The following DCC variants were observed in gnomAD, a reference collection of about 807,000 sequenced individuals.
The protein encoded by DCC is DCC netrin 1 receptor.
A neutral mutation model predicts 172.5 loss-of-function variants in DCC; 58 were observed. The ratio of observed to expected loss-of-function variants is 0.34; its 90% CI spans 0.27 to 0.42. The LOEUF (loss-of-function observed/expected upper bound fraction) is 0.42. DCC is among the 10% of genes least tolerant of loss of function. DCC has a pLI of 1.00. For synonymous variants in DCC, 709 were observed against 644.5 expected (o/e 1.10, Z -1.52); for missense variants, 1,740 against 1,791.0 (o/e 0.97, Z 0.51).
At chr18:53,094,393 A>G (rs960053484) in intron 7 of DCC, among the ~76,000 whole-genome samples, 1 of 152,220 alleles carries the variant, frequency 6.6e-6, no homozygotes, top group Non-Finnish European at 1.5e-5. Context: ...TCATAAAGCT[A>G]CAAGTATCAT....
chr18:52,699,845 T>C (rs898879876), intron 1 of DCC, among the ~76,000 whole-genome samples: 1 of 152,206 alleles, frequency 6.6e-6, no homozygotes, highest in African/African-American at 2.4e-5. Context: ...TTGGCAACAA[T>C]TTTATTAAAA....
intron 7 of DCC, among the ~76,000 whole-genome samples, chr18:53,090,910 C>G (rs927510083): frequency 4.6e-5 from 7 of 151,674 alleles, no homozygotes; most frequent in Non-Finnish European, 7.4e-5. Flanking sequence ...ATTTTATACC[C>G]TTGTTCTATA....
At chr18:52,355,278 G>A (rs1048494162) in intron 1 of DCC, among the ~76,000 whole-genome samples, 5 of 152,086 alleles carry the variant, frequency 3.3e-5, no homozygotes, top group African/African-American at 9.7e-5. Context: ...AGGCAGAAAA[G>A]GACCTTGGCA....
intron 12 of DCC, among the ~76,000 whole-genome samples, chr18:53,276,123 A>T (rs1159279530): frequency 2.6e-5 from 4 of 152,198 alleles, no homozygotes; most frequent in African/African-American, 9.6e-5. Flanking sequence ...ATAGGCTAAT[A>T]TCCATTAACA....
chr18:53,438,577 C>G (rs866172386), intron 22 of DCC, among the ~76,000 whole-genome samples: 1 of 152,136 alleles, frequency 6.6e-6, no homozygotes, highest in African/African-American at 2.4e-5. Flanking sequence ...AATTGGGCCT[C>G]CTGTATTTTT....
intron 26 of DCC, among the ~76,000 whole-genome samples, chr18:53,489,635 A>G (rs2045939071): frequency 6.6e-6 from 1 of 152,146 alleles, no homozygotes; most frequent in African/African-American, 2.4e-5. Flanking sequence ...TATCTGAAAG[A>G]CCTTTGAGTT....
At position 53,063,344 on chromosome 18, in the gene DCC, C is replaced by T; in HGVS notation, c.1025C>T (p.Ala342Val). 1 of 1,613,116 alleles carries T rather than the reference C, an allele frequency of 6.2e-7. No homozygotes were observed. Among genetic ancestry groups the T allele is most frequent in the Non-Finnish European group, 8.5e-7 (1 of 1,179,416 alleles). Residue 342 changes from alanine (A) to valine (V), a missense_variant, in exon 6 of 29, where the codon GCC becomes GTC. This residue lies in a region of DCC where 1,732 missense variants were observed against 1,767.4 expected (regional missense o/e 0.98). Transcript: ENST00000442544. ...TTAAATCATCCTTCCAACCTGTATGCCTATGAAAGCATGGATATTGAGTTT... is the reference window on the plus strand; with the variant it reads ...TTAAATCATCCTTCCAACCTGTATGTCTATGAAAGCATGGATATTGAGTTT... Reference protein sequence around the residue: ...WFLNHPSNLYAYESMDIEFEC... With the variant: ...WFLNHPSNLYVYESMDIEFEC...
intron 10 of DCC, among the ~76,000 whole-genome samples, chr18:53,206,238 A>T (rs2055629854): frequency 7.3e-6 from 1 of 137,668 alleles, no homozygotes; most frequent in Non-Finnish European, 1.5e-5. Context: ...TATATGTGTT[A>T]TACATAATAC....
chr18:52,611,718 A>C (rs2144841164), intron 1 of DCC, among the ~76,000 whole-genome samples: 1 of 152,238 alleles, frequency 6.6e-6, no homozygotes, highest in South Asian at 2.1e-4. Context: ...AGTTAAGTAA[A>C]CTGTTTCAGC....
intron 1 of DCC, among the ~76,000 whole-genome samples, chr18:52,431,801 C>T (rs1346298232): frequency 6.6e-6 from 1 of 152,156 alleles, no homozygotes; most frequent in Non-Finnish European, 1.5e-5. Flanking sequence ...CACCAATAAG[C>T]TTCATGTAAC....
chr18:52,750,728 G>A (rs1469544361), intron 1 of DCC, among the ~76,000 whole-genome samples: 1 of 152,164 alleles, frequency 6.6e-6, no homozygotes, highest in Non-Finnish European at 1.5e-5. Flanking sequence ...AAATAGTTCT[G>A]TCCATCAGGA....
intron 2 of DCC, among the ~76,000 whole-genome samples, chr18:52,785,154 A>G (rs934205308): frequency 2.0e-5 from 3 of 151,972 alleles, no homozygotes; most frequent in Non-Finnish European, 4.4e-5. Context: ...CACCATCTTG[A>G]TTCCTGTTGA....
intron 12 of DCC, among the ~76,000 whole-genome samples, chr18:53,282,323 G>T (rs908680026): frequency 2.0e-5 from 3 of 152,142 alleles, no homozygotes; most frequent in Admixed American, 2.0e-4. Flanking sequence ...TTCCAGGCAA[G>T]AGCATCTGAT....
intron 7 of DCC, among the ~76,000 whole-genome samples, chr18:53,134,855 G>A (rs948747278): frequency 6.6e-5 from 10 of 152,078 alleles, no homozygotes; most frequent in African/African-American, 9.7e-5. Flanking sequence ...TGCAGTTGAC[G>A]TTTGCAAATG....
intron 5 of DCC, among the ~76,000 whole-genome samples, chr18:52,964,601 C>G (rs538644512): frequency 1.3e-5 from 2 of 152,156 alleles, no homozygotes; most frequent in South Asian, 4.1e-4. Flanking sequence ...GTCTCTATAA[C>G]TTTCTGTCAC....
rs151173732 is a variant in DCC at position 52,953,707 on chromosome 18, C to A, written c.985+28337C>A. On this transcript the variant is annotated intron_variant, in intron 5 of 28. Transcript: ENST00000442544. Reference sequence around the variant, plus strand: ...TACCACACAAATTTGTCAGCTTAACCAAACATTTCAGTGTGTTAGGAGCAG... The same window carrying A: ...TACCACACAAATTTGTCAGCTTAACAAAACATTTCAGTGTGTTAGGAGCAG... Among the ~76,000 whole-genome samples the A allele has an allele frequency of 4.6e-5, 7 of 152,292 alleles. No homozygotes were observed. The East Asian group carries it at 7.7e-4, about 17-fold the overall frequency.
chr18:52,830,927 C>A (rs538950193), intron 2 of DCC, among the ~76,000 whole-genome samples: 2 of 151,720 alleles, frequency 1.3e-5, no homozygotes, highest in Non-Finnish European at 2.9e-5. Context: ...ATAATGGCTG[C>A]AATAAACAAT....
intron 12 of DCC, among the ~76,000 whole-genome samples, chr18:53,293,660 C>T (rs908474102): frequency 6.6e-6 from 1 of 151,998 alleles, no homozygotes; most frequent in East Asian, 1.9e-4. Flanking sequence ...TGTCTTTTGC[C>T]TCCCTTTTTG....
intron 5 of DCC, among the ~76,000 whole-genome samples, chr18:52,952,328 C>G (rs1488065080): frequency 6.6e-6 from 1 of 152,176 alleles, no homozygotes; most frequent in Non-Finnish European, 1.5e-5. Flanking sequence ...AACATCCCCT[C>G]TATTAATGTC....
Sources: gnomAD v4.1 joint callset for allele counts (sites outside exome capture counted in the v4.1 genomes callset) on GRCh38, gnomAD v4.1.1 for gene constraint, gnomAD v4.1.1 regional missense constraint, MANE v1.5 for transcripts, NCBI Gene and HGNC (gene_info 2026-07-23, HGNC 2026-07-21) for gene names.